ANKRD36: variants seen among roughly 807,000 people sequenced by gnomAD.
ANKRD36 encodes ankyrin repeat domain 36, also known as ankyrin repeat domain-containing protein 36A.
Under a neutral mutation model 278.1 loss-of-function variants are expected in ANKRD36, and 179 were observed. The ratio of observed to expected loss-of-function variants is 0.64; its 90% CI spans 0.57 to 0.73. The LOEUF is 0.73. ANKRD36 is among the 30% of genes least tolerant of loss of function. The probability of loss-of-function intolerance (pLI) is 0.00; values close to 1 mark genes in which losing one functional copy is unlikely to be tolerated. For missense variants in ANKRD36, 1,159 were observed against 1,956.7 expected (o/e 0.59, Z 7.69); for synonymous variants, 320 against 641.1 (o/e 0.50, Z 7.57).
At position 97,204,171 on chromosome 2, in the gene ANKRD36, T is replaced by G. The variant is rs770161883; in HGVS notation, c.2989-20T>G. 4.4e-6 allele frequency: 7 copies of G among 1,578,412 alleles called. No individual in the cohort carries two copies. Among genetic ancestry groups the G allele is most frequent in the East Asian group, 4.7e-5 (2 of 42,672 alleles). ...AAACATACTTTATTAATTTATTATTTCATTTCAAATTCCATTCAGGCTACA... is the reference window on the plus strand; with the variant it reads ...AAACATACTTTATTAATTTATTATTGCATTTCAAATTCCATTCAGGCTACA... On this transcript the variant is annotated intron_variant, in intron 49 of 75. Transcript: ENST00000420699.
At chr2:97,134,777 A>G (rs1374225525) in intron 6 of ANKRD36, among the ~76,000 whole-genome samples, 1 of 151,994 alleles carries the variant, frequency 6.6e-6, no homozygotes, top group Non-Finnish European at 1.5e-5. Context: ...TATATTTTAT[A>G]TATTAGAAAG....
intron 36 of ANKRD36, 66 bp from the exon 37 acceptor site, chr2:97,192,792 C>A: frequency 1.3e-6 from 2 of 1,538,226 alleles, no homozygotes; most frequent in Non-Finnish European, 1.8e-6. Flanking sequence ...ACAAACACTT[C>A]ATGAATGTAT....
intron 18 of ANKRD36, 73 bp downstream of exon 18, chr2:97,162,211 A>G (rs879033154): frequency 7.2e-5 from 24 of 333,730 alleles, no homozygotes; most frequent in East Asian, 5.0e-4. Context: ...GTACAAAGAA[A>G]CAAAGGTGGT....
intron 22 of ANKRD36, among the ~76,000 whole-genome samples, chr2:97,178,827 A>AT (rs1410015770): frequency 2.0e-5 from 3 of 151,824 alleles, no homozygotes; most frequent in African/African-American, 4.8e-5. Flanking sequence ...TTAAAGTATA[A>AT]TAAAAAAAAG....
rs1558827216 is a variant in ANKRD36, at chr2:97,211,650, T to C, written c.3397-19T>C. The stretch of plus-strand genomic sequence containing the variant: ...AATATACTTTATTTATTGACTGTTT[T>C]GTTTCAAATTCTATTCAGGCTATCT... On this transcript the variant is annotated intron_variant, in intron 57 of 75. Coordinates refer to ENST00000420699, the MANE Select transcript of ANKRD36 (RefSeq NM_001354587.1). The C allele has an allele frequency of 6.3e-7, 1 of 1,593,246 alleles. No individual in the cohort carries two copies. Among genetic ancestry groups the C allele is most frequent in the Non-Finnish European group, 8.5e-7 (1 of 1,171,148 alleles).
Position 97,192,786 on chromosome 2 carries a change from A to G in ANKRD36, c.2348-72A>G, listed in dbSNP as rs1212578348. On this transcript the variant is annotated intron_variant, in intron 36 of 75. Transcript: ENST00000420699. ...GGCAGGAGAACAGAGGTTGATACAA[A>G]CACTTCATGAATGTATGGATAACTT... is the stretch of plus-strand genomic sequence containing the variant. 2.0e-6 allele frequency: 3 copies of G among 1,528,572 alleles called. No individual in the cohort carries two copies. In the East Asian group the frequency reaches 6.9e-5, roughly 35 times the overall value. 94.7% of individuals were successfully genotyped at this position (1,528,572 alleles called of 1,614,324 possible).
chr2:97,184,958 A>T (rs2057079150), intron 28 of ANKRD36, among the ~76,000 whole-genome samples: 1 of 151,760 alleles, frequency 6.6e-6, no homozygotes, highest in Non-Finnish European at 1.5e-5. Context: ...AAAGACATGG[A>T]GGATGATGTA....
chr2:97,220,911 A>G (rs1422701678), intron 66 of ANKRD36, among the ~76,000 whole-genome samples: 10 of 133,748 alleles, frequency 7.5e-5, no homozygotes, highest in South Asian at 3.4e-4. Flanking sequence ...ATATCTCCCA[A>G]TGCTATCCCT....
At position 97,113,789 on chromosome 2, in the gene ANKRD36, G is replaced by C. The variant is rs1469398826; in HGVS notation, c.50G>C (p.Cys17Ser). The C allele has an allele frequency of 8.1e-6, 13 of 1,612,924 alleles. No homozygotes were observed. The highest frequency in any genetic ancestry group is 1.1e-5 in the Non-Finnish European group (13 of 1,180,004). ...ERWPTLMERLCSDGFAFPQYP... is the reference protein window; with the variant it reads ...ERWPTLMERLSSDGFAFPQYP... ...TGGCCCACCCTCATGGAGCGCTTGT[G>C]CTCGGATGGCTTCGCATTTCCCCAA... Residue 17 changes from cysteine (C) to serine (S), a missense_variant, in exon 1 of 76, where the codon TGC becomes TCC. Cys to Ser is a moderately radical substitution (Grantham distance 112). Coordinates refer to ENST00000420699, the MANE Select transcript of ANKRD36 (RefSeq NM_001354587.1).
chr2:97,123,758 ACAT>A (rs968007772), intron 4 of ANKRD36, among the ~76,000 whole-genome samples: 27 of 136,062 alleles, frequency 2.0e-4, no homozygotes, highest in African/African-American at 7.0e-4. Context: ...AATGTAAGTA[ACAT>A]CATATATAAT....
intron 48 of ANKRD36, among the ~76,000 whole-genome samples, chr2:97,203,094 G>T (rs928911546): frequency 6.6e-6 from 1 of 151,794 alleles, no homozygotes; most frequent in Non-Finnish European, 1.5e-5. Flanking sequence ...GTTGATTTTA[G>T]TTATATAATT....
intron 67 of ANKRD36, among the ~76,000 whole-genome samples, chr2:97,227,246 TC>T (rs2070113648): frequency 6.6e-6 from 1 of 152,136 alleles, no homozygotes; most frequent in Non-Finnish European, 1.5e-5. Flanking sequence ...TACTGATTCT[TC>T]CTACCCATGA....
chr2:97,217,404 G>A, intron 64 of ANKRD36, 32 bp downstream of exon 64: 1 of 1,549,068 alleles, frequency 6.5e-7, no homozygotes, highest in Non-Finnish European at 8.7e-7. Context: ...AATGTCATGT[G>A]CACTCAAGAT....
Position 97,118,502 on chromosome 2 carries a change from T to G in ANKRD36, c.471T>G (p.Ile157Met). Residue 157 changes from isoleucine (I) to methionine (M), a missense_variant, in exon 3 of 76, where the codon ATT (isoleucine) becomes ATG (methionine). Coordinates refer to ENST00000420699, the MANE Select transcript of ANKRD36 (RefSeq NM_001354587.1). ...AACTTCTTTCACATGGTACAAATAT[T>G]GAAGAATGCAGCAAGGTATAGGTCA... ...IEKLLSHGTNIEECSKCEYQP... is the reference protein window; with the variant it reads ...IEKLLSHGTNMEECSKCEYQP... 1 of 1,590,436 alleles carries G rather than the reference T, an allele frequency of 6.3e-7. No individual in the cohort carries two copies.
chr2:97,194,888 GA>G lies in ANKRD36; in HGVS notation c.2528del (p.Lys843ArgfsTer17), dbSNP rs1575631927. 3.8e-6 allele frequency: 6 copies of G among 1,566,000 alleles called. No individual in the cohort carries two copies. The East Asian group carries it at 7.1e-5, about 19-fold the overall frequency. On this transcript the variant is annotated frameshift_variant, in exon 40 of 76. Transcript: ENST00000420699. LOFTEE classifies it high-confidence loss of function. ...EKDSFSNITR[G>X]KKDGEISRKV... ...GATTCTTTTTCGAATATAACCAGAGGAAAAAAGGATGGAGAAATATCTAGGA... is the reference window on the plus strand; with the variant it reads ...GATTCTTTTTCGAATATAACCAGAGGAAAAAGGATGGAGAAATATCTAGGA...
chr2:97,152,152 C>T, intron 13 of ANKRD36, among the ~76,000 whole-genome samples: 1 of 147,816 alleles, frequency 6.8e-6, no homozygotes, highest in East Asian at 1.9e-4. Flanking sequence ...ACCACCACAC[C>T]TGGCTAATTT....
chr2:97,206,186 G>T (rs1558774616), intron 52 of ANKRD36, 51 bp downstream of exon 52: 1 of 1,473,878 alleles, frequency 6.8e-7, no homozygotes, highest in East Asian at 2.5e-5. Context: ...TAGATAAGAA[G>T]TTCTCTTCCC....
intron 22 of ANKRD36, among the ~76,000 whole-genome samples, chr2:97,172,337 A>C (rs556540715): frequency 0.028 from 4,248 of 151,912 alleles, 214 homozygotes; most frequent in African/African-American, 0.097. Flanking sequence ...TTCTTGATTT[A>C]TTGTATGATC....
intron 66 of ANKRD36, among the ~76,000 whole-genome samples, chr2:97,222,043 C>T (rs1271557519): frequency 1.3e-5 from 2 of 151,442 alleles, no homozygotes; most frequent in Non-Finnish European, 2.9e-5. Flanking sequence ...GGAATCCTTT[C>T]CCCATTGCTT....
Sources: allele counts gnomAD v4.1 joint callset (sites outside exome capture counted in the v4.1 genomes callset), GRCh38; gene constraint gnomAD v4.1.1; transcripts MANE v1.5; gene names NCBI Gene and HGNC (gene_info 2026-07-23, HGNC 2026-07-21).